Variants in PARVB observed in about 807,000 individuals in gnomAD.
PARVB encodes the protein parvin beta.
In PARVB, 46 loss-of-function variants were observed where a neutral mutation model predicts 47.0. The ratio of observed to expected loss-of-function variants is 0.98; its 90% CI spans 0.77 to 1.25. The LOEUF is 1.25. PARVB is among the 50% of genes most tolerant of loss of function. The pLI is 0.00. For missense variants in PARVB, 473 were observed against 471.6 expected, an observed-to-expected ratio of 1.00 and a Z score of -0.03; for synonymous variants, 196 against 196.3, an observed-to-expected ratio of 1.00 and a Z score of 0.01.
intron 8 of PARVB, chr22:44,146,934 G>GCCCT (rs2053698579): frequency 6.6e-6 from 1 of 152,528 alleles, no homozygotes; most frequent in South Asian, 2.1e-4. Flanking sequence ...CCTTCCAAAT[G>GCCCT]CCCTCCTCCC....
intron 7 of PARVB, among the ~76,000 whole-genome samples, chr22:44,137,665 G>T (rs915375450): frequency 6.6e-6 from 1 of 152,196 alleles, no homozygotes; most frequent in Non-Finnish European, 1.5e-5. Flanking sequence ...CTGGATGGAG[G>T]CTGGGGAGGC....
In PARVB at chr22:44,083,413, G is replaced by A. The variant is rs527719858; in HGVS notation, c.113-10515G>A. On this transcript the variant is annotated intron_variant, in intron 1 of 12. Transcript: ENST00000338758. ...GACCTGGCCCCTGTGCACTCCTTGCGGGGTCGGGGGGTGCAGGGAGATGAG... is the reference window on the plus strand; with the variant it reads ...GACCTGGCCCCTGTGCACTCCTTGCAGGGTCGGGGGGTGCAGGGAGATGAG... 3.3e-5 allele frequency among the ~76,000 whole-genome samples: 5 copies of A among 152,318 alleles called. No individual in the cohort carries two copies. In the South Asian group the frequency reaches 8.3e-4, roughly 25 times the overall value.
chr22:44,083,850 A>G (rs1179229689), intron 1 of PARVB, among the ~76,000 whole-genome samples: 2 of 152,142 alleles, frequency 1.3e-5, no homozygotes, highest in African/African-American at 2.4e-5. Flanking sequence ...AGCTTTGTGT[A>G]TTGGAAGGAT....
intron 2 of PARVB, among the ~76,000 whole-genome samples, chr22:44,016,824 C>A (rs564840143): frequency 2.4e-4 from 36 of 152,198 alleles, no homozygotes; most frequent in African/African-American, 8.4e-4. Flanking sequence ...AGATTTTGAA[C>A]CATTTCATTA....
chr22:44,051,806 G>A (rs1468663671), intron 1 of PARVB, among the ~76,000 whole-genome samples: 3 of 152,214 alleles, frequency 2.0e-5, no homozygotes, highest in Non-Finnish European at 4.4e-5. Flanking sequence ...TGCTTAAGAC[G>A]AGGCCTGTCT....
chr22:44,094,579 G>A (rs57982314), intron 2 of PARVB, among the ~76,000 whole-genome samples: 2,753 of 146,054 alleles, frequency 0.019, 111 homozygotes, highest in African/African-American at 0.065. Context: ...AGCCTTTACC[G>A]TCCAGGTTCA....
rs1374227690 is a variant in PARVB at position 44,100,238 on chromosome 22, G to A, written c.273+115G>A. 4 of 802,962 alleles carry A rather than the reference G, an allele frequency of 5.0e-6. No individual in the cohort carries two copies. In the African/African-American group the frequency reaches 6.8e-5, roughly 14 times the overall value. The allele number at this position is 802,962 out of a possible 1,614,324, so 49.7% of individuals were successfully genotyped here. ...CCCGGGGCTCCTGAAAGGGATGTTGGTGCTGCATGAGAAGGTGGGCAGACA... is the reference window on the plus strand; with the variant it reads ...CCCGGGGCTCCTGAAAGGGATGTTGATGCTGCATGAGAAGGTGGGCAGACA... On this transcript the variant is annotated intron_variant, in intron 3 of 12. Transcript: ENST00000338758.
At chr22:44,129,609 A>G (rs1203384580) in intron 4 of PARVB, among the ~76,000 whole-genome samples, 1 of 152,104 alleles carries the variant, frequency 6.6e-6, no homozygotes, top group African/African-American at 2.4e-5. Flanking sequence ...ATGGTTGTTG[A>G]ACACCTGTGG....
intron 1 of PARVB, among the ~76,000 whole-genome samples, chr22:44,073,064 C>A (rs144333376): frequency 6.6e-6 from 1 of 152,200 alleles, no homozygotes; most frequent in Non-Finnish European, 1.5e-5. Context: ...CCGTGCCAGG[C>A]CTGACCATAG....
Position 44,017,887 on chromosome 22 carries a change from G to A in PARVB, c.211+18214G>A, listed in dbSNP as rs185040416. ...GCCAAGGGCAGTAGGGGTGTCAGGG[G>A]GGCCTTCCAAAGCAGGCTATTGTTT... On this transcript the variant is annotated intron_variant, in intron 2 of 13. Transcript: ENST00000406477. Among the ~76,000 whole-genome samples the A allele has an allele frequency of 1.1e-4, 16 of 152,222 alleles. No individual in the cohort carries two copies. The East Asian group carries it at 3.1e-3, about 29-fold the overall frequency.
intron 1 of PARVB, among the ~76,000 whole-genome samples, chr22:44,050,628 G>A (rs896892548): frequency 6.6e-6 from 1 of 152,152 alleles, no homozygotes; most frequent in Admixed American, 6.6e-5. Context: ...GTGAGCCACT[G>A]CGCCTGGCCA....
chr22:44,094,647 G>A (rs1000324472), intron 2 of PARVB, among the ~76,000 whole-genome samples: 2 of 151,096 alleles, frequency 1.3e-5, no homozygotes, highest in African/African-American at 4.9e-5. Flanking sequence ...GTGCCACCCC[G>A]CCCACCTAAC....
intron 2 of PARVB, among the ~76,000 whole-genome samples, chr22:44,008,400 A>G (rs1220298461): frequency 2.6e-5 from 4 of 151,664 alleles, no homozygotes; most frequent in African/African-American, 9.7e-5. Flanking sequence ...GTGAGCCACC[A>G]CGCGCGGTCT....
chr22:44,021,204 C>G (rs193021581), upstream of PARVB, among the ~76,000 whole-genome samples: 9 of 152,178 alleles, frequency 5.9e-5, no homozygotes. Flanking sequence ...TGGTGAAGCC[C>G]CGCAAGGCCT....
At chr22:44,158,995 A>G (rs1488920357) in intron 11 of PARVB, among the ~76,000 whole-genome samples, 1 of 152,146 alleles carries the variant, frequency 6.6e-6, no homozygotes, top group African/African-American at 2.4e-5. Flanking sequence ...TGTTGTTCCT[A>G]TCTTGCCTGC....
At chr22:44,102,124 C>T (rs372722799) in intron 3 of PARVB, among the ~76,000 whole-genome samples, 2 of 152,182 alleles carry the variant, frequency 1.3e-5, no homozygotes, top group African/African-American at 2.4e-5. Flanking sequence ...TGCCAGCCTG[C>T]GTCTGCAGCC....
chr22:44,016,865 C>T (rs907434077), intron 2 of PARVB, among the ~76,000 whole-genome samples: 1 of 152,004 alleles, frequency 6.6e-6, no homozygotes, highest in Non-Finnish European at 1.5e-5. Flanking sequence ...GTTTTTACTT[C>T]CCCATTTTAT....
intron 1 of PARVB, among the ~76,000 whole-genome samples, chr22:44,037,602 G>C (rs2050944337): frequency 1.3e-5 from 2 of 152,246 alleles, no homozygotes; most frequent in South Asian, 4.1e-4. Context: ...TTTGCAGATG[G>C]GCAAACACAG....
At chr22:44,129,349 C>T (rs146265025) in intron 4 of PARVB, among the ~76,000 whole-genome samples, 6 of 152,296 alleles carry the variant, frequency 3.9e-5, no homozygotes, top group African/African-American at 9.6e-5. Context: ...TTAAGCCGCA[C>T]GGTGTGTGGC....
Sources: gnomAD v4.1 joint callset for allele counts (sites outside exome capture counted in the v4.1 genomes callset) on GRCh38, gnomAD v4.1.1 for gene constraint, MANE v1.5 for transcripts, NCBI Gene and HGNC (gene_info 2026-07-23, HGNC 2026-07-21) for gene names.